The following CLDN10 variants were observed in gnomAD, a reference collection of about 807,000 sequenced individuals.
The protein encoded by CLDN10 is claudin 10.
A neutral mutation model predicts 22.9 loss-of-function variants in CLDN10; 15 were observed. That is an observed-to-expected ratio of 0.65 (90% CI 0.44 to 1.01). The LOEUF is 1.01. Ranked by LOEUF, CLDN10 falls within the 50% of genes least tolerant of loss-of-function variation. The pLI, the probability that CLDN10 is intolerant of heterozygous loss-of-function variation, is 0.00. For missense variants in CLDN10, 247 were observed against 287.8 expected (o/e 0.86, Z 1.03); for synonymous variants, 114 against 111.4 (o/e 1.02, Z -0.15).
chr13:95,565,065 C>A (rs943726195), intron 3 of CLDN10, among the ~76,000 whole-genome samples: 1 of 151,794 alleles, frequency 6.6e-6, no homozygotes, highest in Non-Finnish European at 1.5e-5. Flanking sequence ...TGTTTTTCAA[C>A]TTTTCCCTTT....
intron 1 of CLDN10, among the ~76,000 whole-genome samples, chr13:95,440,245 T>C (rs2042311984): frequency 6.6e-6 from 1 of 152,324 alleles, no homozygotes; most frequent in South Asian, 2.1e-4. Flanking sequence ...GCTGCACCCT[T>C]GGATAACACT....
At chr13:95,555,088 T>C (rs1162740871) in intron 1 of CLDN10, among the ~76,000 whole-genome samples, 1 of 148,442 alleles carries the variant, frequency 6.7e-6, no homozygotes, top group East Asian at 2.0e-4. Context: ...TTTGCTCTTG[T>C]TGCCTAGGCT....
chr13:95,494,918 C>T (rs1198618273), intron 1 of CLDN10, among the ~76,000 whole-genome samples: 1 of 152,046 alleles, frequency 6.6e-6, no homozygotes, highest in Non-Finnish European at 1.5e-5. Context: ...TCCCCTCCAC[C>T]CCTACTCTTA....
intron 1 of CLDN10, among the ~76,000 whole-genome samples, chr13:95,531,165 G>A (rs560668527): frequency 2.0e-4 from 30 of 152,012 alleles, no homozygotes; most frequent in Non-Finnish European, 4.1e-4. Context: ...TGATCTGCCC[G>A]CCTCAGCCTC....
chr13:95,502,394 A>G (rs1216855158), intron 1 of CLDN10, among the ~76,000 whole-genome samples: 1 of 152,196 alleles, frequency 6.6e-6, no homozygotes, highest in Non-Finnish European at 1.5e-5. Flanking sequence ...GTGGTTGTAC[A>G]AACCTGTGAA....
rs1491334890 is a variant in CLDN10, at chr13:95,463,285, A to AAATATATATATATATAT, written c.214+29239_214+29240insATATATATATATATATA. On this transcript the variant is annotated intron_variant, in intron 1 of 4. Transcript: ENST00000376873. Reference sequence around the variant, plus strand: ...AGTTGAGTCAAAAGTGCAAATGCTTAATATATATATATATATATATATATA... The same window carrying AAATATATATATATATAT: ...AGTTGAGTCAAAAGTGCAAATGCTTAAATATATATATATATATATATATATATATATATATATATATA... Among the ~76,000 whole-genome samples, 125 of 40,084 alleles carry AAATATATATATATATAT rather than the reference A, an allele frequency of 3.1e-3. 16 individuals carry two copies. The highest frequency in any genetic ancestry group is 5.1e-3 in the Non-Finnish European group (98 of 19,246). The allele number at this position is 40,084 out of a possible 152,430, so 26.3% of individuals were successfully genotyped here.
chr13:95,565,125 A>G (rs1471361120), intron 3 of CLDN10, among the ~76,000 whole-genome samples: 1 of 137,516 alleles, frequency 7.3e-6, no homozygotes, highest in Non-Finnish European at 1.7e-5. Flanking sequence ...AAAACTAACA[A>G]ATCTGAAAAA....
At chr13:95,520,909 G>T (rs755093372) in intron 1 of CLDN10, among the ~76,000 whole-genome samples, 4 of 150,566 alleles carry the variant, frequency 2.7e-5, no homozygotes, top group Non-Finnish European at 5.9e-5. Flanking sequence ...AGACTGCAGT[G>T]AGCCGAGATC....
At chr13:95,490,767 A>T (rs2042864690) in intron 1 of CLDN10, among the ~76,000 whole-genome samples, 1 of 152,186 alleles carries the variant, frequency 6.6e-6, no homozygotes. Context: ...TATATCTGTT[A>T]AGTCCATTTG....
chr13:95,524,857 TTA>T (rs2043262886), intron 1 of CLDN10, among the ~76,000 whole-genome samples: 2 of 146,978 alleles, frequency 1.4e-5, no homozygotes, highest in South Asian at 2.1e-4. Flanking sequence ...TTTTATTTAT[TTA>T]TTTTTATTTT....
intron 3 of CLDN10, among the ~76,000 whole-genome samples, chr13:95,561,792 G>T (rs1268843546): frequency 1.3e-5 from 2 of 149,216 alleles, no homozygotes; most frequent in Non-Finnish European, 1.5e-5. Context: ...AAGAGTTAGG[G>T]CCTCTTTCTG....
intron 1 of CLDN10, among the ~76,000 whole-genome samples, chr13:95,442,857 T>C (rs1167760989): frequency 6.6e-6 from 1 of 152,182 alleles, no homozygotes; most frequent in African/African-American, 2.4e-5. Context: ...AATCAACTCA[T>C]AGGGTTGTTG....
chr13:95,571,313 C>T (rs149131345), intron 3 of CLDN10, among the ~76,000 whole-genome samples: 1 of 152,046 alleles, frequency 6.6e-6, no homozygotes, highest in African/African-American at 2.4e-5. Flanking sequence ...TGTTTAGGTA[C>T]CCCCTCCCAA....
intron 1 of CLDN10, among the ~76,000 whole-genome samples, chr13:95,497,995 T>C (rs2042946309): frequency 6.6e-6 from 1 of 152,234 alleles, no homozygotes; most frequent in South Asian, 2.1e-4. Flanking sequence ...TACAAGATGA[T>C]TTTAAAAAGC....
chr13:95,482,075 G>C (rs1456423063), intron 1 of CLDN10, among the ~76,000 whole-genome samples: 1 of 152,106 alleles, frequency 6.6e-6, no homozygotes, highest in Non-Finnish European at 1.5e-5. Context: ...AAATAAAAGA[G>C]TATAATTGGA....
intron 1 of CLDN10, among the ~76,000 whole-genome samples, chr13:95,526,655 G>C (rs2043284267): frequency 6.6e-6 from 1 of 152,106 alleles, no homozygotes; most frequent in South Asian, 2.1e-4. Context: ...AGGCATGATG[G>C]TGGGCACCTG....
chr13:95,525,545 T>G (rs2043271683), intron 1 of CLDN10, among the ~76,000 whole-genome samples: 1 of 152,134 alleles, frequency 6.6e-6, no homozygotes. Flanking sequence ...CAGGCTGGAG[T>G]ACAGTGGCGT....
chr13:95,531,458 A>T (rs537822535), intron 1 of CLDN10, among the ~76,000 whole-genome samples: 2 of 152,158 alleles, frequency 1.3e-5, no homozygotes, highest in Non-Finnish European at 2.9e-5. Flanking sequence ...TATCCTCATT[A>T]TTAAACTCTT....
intron 1 of CLDN10, among the ~76,000 whole-genome samples, chr13:95,505,356 A>G (rs897670496): frequency 3.9e-5 from 6 of 152,210 alleles, no homozygotes; most frequent in Admixed American, 1.3e-4. Context: ...TTGTTTACCC[A>G]TTGCTCAAAT....
Sources: allele counts gnomAD v4.1 joint callset (sites outside exome capture counted in the v4.1 genomes callset), GRCh38; gene constraint gnomAD v4.1.1; transcripts MANE v1.5; gene names NCBI Gene and HGNC (gene_info 2026-07-23, HGNC 2026-07-21).